The following ZNG1A variants were observed in gnomAD, a reference collection of about 807,000 sequenced individuals.
ZNG1A encodes the protein Zn regulated GTPase metalloprotein activator 1A, also known as zinc-regulated GTPase metalloprotein activator 1A.
the ZNG1A span, chr9:171,989 G>C: frequency 4.1e-5 from 66 of 1,593,538 alleles, no homozygotes; most frequent in Non-Finnish European, 5.3e-5. Context: ...ACTAACAAAA[G>C]CTTTAATCCT....
At chr9:174,184 C>G in the ZNG1A span, among the ~76,000 whole-genome samples, 1 of 150,474 alleles carries the variant, frequency 6.6e-6, no homozygotes, top group Non-Finnish European at 1.5e-5. Flanking sequence ...GTCAAATTCA[C>G]ATATTTTCCT....
At chr9:163,994 A>G in the ZNG1A span, 1 of 1,597,998 alleles carries the variant, frequency 6.3e-7, no homozygotes, top group Non-Finnish European at 8.5e-7. Flanking sequence ...GATAAATATC[A>G]CTCCCTAATT....
chr9:139,787 G>A, the ZNG1A span, among the ~76,000 whole-genome samples: 6 of 151,622 alleles, frequency 4.0e-5, no homozygotes, highest in Non-Finnish European at 7.4e-5. Context: ...GACAGTGGGC[G>A]CAGGTCAGTG....
At chr9:154,224 T>G in the ZNG1A span, 2 of 163,568 alleles carry the variant, frequency 1.2e-5, no homozygotes, top group Non-Finnish European at 2.6e-5. Flanking sequence ...CTGAGACCAC[T>G]TGAGTCAGGG....
At chr9:136,803 C>T in the ZNG1A span, among the ~76,000 whole-genome samples, 145 of 152,006 alleles carry the variant, frequency 9.5e-4, 6 homozygotes, top group East Asian at 0.027. Context: ...CTTTAAGAGG[C>T]CAAGTAGGAG....
the ZNG1A span, among the ~76,000 whole-genome samples, chr9:141,480 C>T: frequency 6.7e-6 from 1 of 149,662 alleles, no homozygotes; most frequent in African/African-American, 2.5e-5. Flanking sequence ...ACTTTACAGA[C>T]AAGCAAATGC....
chr9:127,552 C>G, the ZNG1A span, among the ~76,000 whole-genome samples: 7 of 152,188 alleles, frequency 4.6e-5, no homozygotes, highest in East Asian at 5.8e-4. Context: ...ATCCCTTTAC[C>G]TTAAGTTTAT....
chr9:178,317 T>C, the ZNG1A span, among the ~76,000 whole-genome samples: 4 of 151,982 alleles, frequency 2.6e-5, no homozygotes, highest in Admixed American at 6.6e-5. Flanking sequence ...GTGTTTAAGA[T>C]AGGAGCGCTC....
the ZNG1A span, chr9:156,363 G>A: frequency 1.0e-5 from 14 of 1,389,260 alleles, no homozygotes; most frequent in Admixed American, 3.0e-4. Context: ...GGGAAAAAAA[G>A]AAAATAAATT....
chr9:169,853 G>GTTT, the ZNG1A span, among the ~76,000 whole-genome samples: 3 of 96,780 alleles, frequency 3.1e-5, no homozygotes, highest in East Asian at 3.2e-4. Flanking sequence ...TATAAACACA[G>GTTT]CTTTTTTTTT....
At chr9:144,798 C>G in the ZNG1A span, among the ~76,000 whole-genome samples, 1 of 150,980 alleles carries the variant, frequency 6.6e-6, no homozygotes, top group East Asian at 1.9e-4. Flanking sequence ...ACCTACTCAT[C>G]TGACAAAGGG....
chr9:167,485 A>T, the ZNG1A span: 2 of 149,518 alleles, frequency 1.3e-5, no homozygotes, highest in African/African-American at 5.0e-5. Context: ...AAATATTTTG[A>T]ATCAATGAAG....
the ZNG1A span, among the ~76,000 whole-genome samples, chr9:143,154 A>T: frequency 6.7e-6 from 1 of 148,570 alleles, no homozygotes; most frequent in Non-Finnish European, 1.5e-5. Context: ...AAACTATTCC[A>T]ATCAATAGAA....
At chr9:141,309 C>T in the ZNG1A span, among the ~76,000 whole-genome samples, 1 of 136,988 alleles carries the variant, frequency 7.3e-6, no homozygotes. Flanking sequence ...GGGTTACCCT[C>T]AAAGGGAAGC....
the ZNG1A span, chr9:165,994 T>A: frequency 6.8e-6 from 1 of 146,672 alleles, no homozygotes; most frequent in Admixed American, 6.9e-5. Flanking sequence ...AGAAATACAC[T>A]CCAAAATGAC....
chr9:172,183 C>T, the ZNG1A span: 7 of 1,610,192 alleles, frequency 4.3e-6, no homozygotes, highest in South Asian at 7.7e-5. Flanking sequence ...CTGGAGAATA[C>T]CAAAACATAA....
At chr9:138,879 G>A in the ZNG1A span, among the ~76,000 whole-genome samples, 2 of 149,822 alleles carry the variant, frequency 1.3e-5, no homozygotes, top group Non-Finnish European at 3.0e-5. Context: ...ACTCCAGCCT[G>A]AGTGACAGAG....
the ZNG1A span, among the ~76,000 whole-genome samples, chr9:143,463 A>C: frequency 8.6e-6 from 1 of 116,592 alleles, no homozygotes; most frequent in Non-Finnish European, 1.7e-5. Context: ...ATCTCAATAG[A>C]TGCAGAAAAG....
chr9:178,170 C>A, the ZNG1A span, among the ~76,000 whole-genome samples: 1 of 150,852 alleles, frequency 6.6e-6, no homozygotes, highest in African/African-American at 2.4e-5. Flanking sequence ...CTTCACGAAA[C>A]TACCAAGTTC....
Sources: gnomAD v4.1 joint callset for allele counts (sites outside exome capture counted in the v4.1 genomes callset) on GRCh38, gnomAD v4.1.1 for gene constraint, MANE v1.5 for transcripts, NCBI Gene and HGNC (gene_info 2026-07-23, HGNC 2026-07-21) for gene names.